MCOLN3: variants seen among roughly 807,000 people sequenced by gnomAD.
MCOLN3 encodes the protein mucolipin-3.
Under a neutral mutation model 69.4 loss-of-function variants are expected in MCOLN3, and 62 were observed. That is an observed-to-expected ratio of 0.89 (90% CI 0.73 to 1.10). The LOEUF (loss-of-function observed/expected upper bound fraction) is 1.10, where lower values mean the gene tolerates loss of function less well. Ranked by LOEUF, MCOLN3 falls within the 50% of genes least tolerant of loss-of-function variation. MCOLN3 has a pLI of 0.00. For missense variants in MCOLN3, 564 were observed against 656.4 expected, an observed-to-expected ratio of 0.86 and a Z score of 1.54; for synonymous variants, 183 against 217.0, an observed-to-expected ratio of 0.84 and a Z score of 1.38.
At chr1:85,043,760 T>C (rs1005048682) in intron 2 of MCOLN3, among the ~76,000 whole-genome samples, 1 of 152,160 alleles carries the variant, frequency 6.6e-6, no homozygotes, top group African/African-American at 2.4e-5. Context: ...GGCTGAGAAC[T>C]GAACATCCAT....
rs199625574 is a variant in MCOLN3 at position 85,045,374 on chromosome 1, AAAC to A, written c.-2-15_-2-13del. The A allele has an allele frequency of 0.048, 74,967 of 1,575,728 alleles. 2,137 individuals are homozygous for A. The highest frequency in any genetic ancestry group is 0.054 in the Non-Finnish European group (62,782 of 1,152,620). On this transcript the variant is annotated splice_polypyrimidine_tract_variant and intron_variant, in intron 1 of 12. Transcript: ENST00000370589. ...AGGATCTGCCATCTCTAGAGGAAAA[AAAC>A]AACAACAACAACAACCAACATTTCC...
intron 7 of MCOLN3, among the ~76,000 whole-genome samples, chr1:85,028,336 C>T (rs761993930): frequency 6.6e-6 from 1 of 152,150 alleles, no homozygotes; most frequent in Admixed American, 6.5e-5. Flanking sequence ...ACTATTTACA[C>T]ATTTCTAGGC....
rs1381989563 is a variant in MCOLN3 at position 85,025,974 on chromosome 1, T to A, written c.1060A>T (p.Ile354Phe). 1 of 1,599,342 alleles carries A rather than the reference T, an allele frequency of 6.3e-7. No homozygotes were observed. Among genetic ancestry groups the A allele is most frequent in the Non-Finnish European group, 8.5e-7 (1 of 1,172,736 alleles). The change falls in exon 9 of 13, where the codon ATT (isoleucine) becomes TTT (phenylalanine). Residue 354 changes from isoleucine (I) to phenylalanine (F), a missense_variant. Ile to Phe is a conservative substitution (Grantham distance 21). Coordinates refer to ENST00000370589, the MANE Select transcript of MCOLN3 (RefSeq NM_018298.11). ...ATTTCCATTTTTAGAATTGATCCAA[T>A]GATTGTCAATATGTCACTAATAATA... ...MIIISDILTI[I>F]GSILKMEIQA...
chr1:85,046,281 A>C (rs1455204301), intron 1 of MCOLN3, among the ~76,000 whole-genome samples: 1 of 134,506 alleles, frequency 7.4e-6, no homozygotes, highest in Non-Finnish European at 1.6e-5. Flanking sequence ...TTTATAGCAT[A>C]TTTTCAAAGT....
In MCOLN3 at chr1:85,048,058, G is replaced by A. The variant is rs577792656; in HGVS notation, c.-3+338C>T. Among the ~76,000 whole-genome samples, 304 of 152,344 alleles carry A rather than the reference G, an allele frequency of 2.0e-3. 2 individuals carry two copies. Among genetic ancestry groups the A allele is most frequent in the Admixed American group, 0.011 (174 of 15,310 alleles). On this transcript the variant is annotated intron_variant, in intron 1 of 12. Transcript: ENST00000370589. Reference sequence around the variant, plus strand: ...CCAAGCCTTCCAGCCCAGGGGCTCCGGGCGGGGGTGGCTTCCAGCCCTCTG... The same window carrying A: ...CCAAGCCTTCCAGCCCAGGGGCTCCAGGCGGGGGTGGCTTCCAGCCCTCTG...
chr1:85,035,314 C>A (rs781434338), intron 3 of MCOLN3, among the ~76,000 whole-genome samples: 1 of 152,162 alleles, frequency 6.6e-6, no homozygotes, highest in Non-Finnish European at 1.5e-5. Flanking sequence ...CTGACTTCAA[C>A]CAGTCCCATA....
chr1:85,019,784 G>A (rs1651833531), intron 12 of MCOLN3, among the ~76,000 whole-genome samples: 1 of 152,188 alleles, frequency 6.6e-6, no homozygotes, highest in Admixed American at 6.5e-5. Flanking sequence ...CTGGACAAAG[G>A]TCTGAATGCT....
At chr1:85,042,568 G>A (rs1653124337) in intron 2 of MCOLN3, among the ~76,000 whole-genome samples, 1 of 152,170 alleles carries the variant, frequency 6.6e-6, no homozygotes, top group African/African-American at 2.4e-5. Context: ...AAATACATGA[G>A]TACCTCTCCT....
At chr1:85,038,811 C>T (rs1036877838) in intron 3 of MCOLN3, among the ~76,000 whole-genome samples, 4 of 151,806 alleles carry the variant, frequency 2.6e-5, no homozygotes, top group African/African-American at 7.3e-5. Flanking sequence ...GCTAATATGG[C>T]GAAACCCTGC....
intron 2 of MCOLN3, among the ~76,000 whole-genome samples, chr1:85,042,937 G>T (rs1048042953): frequency 6.6e-6 from 1 of 152,140 alleles, no homozygotes; most frequent in Admixed American, 6.5e-5. Flanking sequence ...GAAACCCTCA[G>T]TTCCTTTTAA....
rs548456047 is a variant in MCOLN3, at chr1:85,045,080, T to C, written c.228+53A>G. 5.6e-6 allele frequency: 8 copies of C among 1,423,220 alleles called. No individual in the cohort carries two copies. In the African/African-American group the frequency reaches 1.2e-4, roughly 20 times the overall value. 88.2% of individuals were successfully genotyped at this position (1,423,220 alleles called of 1,614,324 possible). ...TAAAAAAAAAACCACTGTCCATAGT[T>C]ATCTTTGTAATTAAAAGAGGCTTTC... is the stretch of plus-strand genomic sequence containing the variant. On this transcript the variant is annotated intron_variant, in intron 2 of 12. Transcript: ENST00000370589.
chr1:85,046,472 T>G (rs1426357215), intron 1 of MCOLN3, among the ~76,000 whole-genome samples: 6 of 152,150 alleles, frequency 3.9e-5, no homozygotes, highest in Admixed American at 1.3e-4. Flanking sequence ...CTGTTCAAAG[T>G]AAAATACCCC....
Position 85,032,685 on chromosome 1 carries a change from C to G in MCOLN3, c.732+11G>C. ...CAGACTGGAACCAAATTCAGCCTGG[C>G]CCACACTTACAGTCAGAGTAAAGTC... On this transcript the variant is annotated intron_variant, in intron 6 of 12. Transcript: ENST00000370589. 6.3e-7 allele frequency: 1 copy of G among 1,596,418 alleles called. No homozygotes were observed. The highest frequency in any genetic ancestry group is 8.6e-7 in the Non-Finnish European group (1 of 1,164,476).
intron 3 of MCOLN3, among the ~76,000 whole-genome samples, chr1:85,034,465 A>C (rs553663791): frequency 1.8e-4 from 27 of 152,330 alleles, no homozygotes; most frequent in Admixed American, 4.6e-4. Flanking sequence ...TTTCTGTGAC[A>C]AACTTTCTGA....
intron 12 of MCOLN3, among the ~76,000 whole-genome samples, chr1:85,020,703 T>G (rs1424365017): frequency 1.3e-5 from 2 of 152,244 alleles, no homozygotes; most frequent in East Asian, 1.9e-4. Flanking sequence ...ATTGGAGTTT[T>G]TATGTTCCCC....
In MCOLN3 at chr1:85,018,459, T is replaced by C. The variant is rs1483629708; in HGVS notation, c.*664A>G. 1 of 152,290 alleles carries C rather than the reference T, an allele frequency of 6.6e-6. No homozygotes were observed. Among genetic ancestry groups the C allele is most frequent in the Non-Finnish European group, 1.5e-5 (1 of 68,108 alleles). The allele number at this position is 152,290 out of a possible 1,614,324, so 9.4% of individuals were successfully genotyped here. On this transcript the variant is annotated 3_prime_UTR_variant, in exon 13 of 13. Coordinates refer to ENST00000370589, the MANE Select transcript of MCOLN3 (RefSeq NM_018298.11). ...GGCTATACCAAATAGCCTAGGTGTG[T>C]AGTAGGCTATACCATCTAGGTTTGT...
chr1:85,048,287 C>T, intron 1 of MCOLN3, 109 bp downstream of exon 1: 1 of 152,280 alleles, frequency 6.6e-6, no homozygotes, highest in Non-Finnish European at 1.5e-5. Flanking sequence ...GGCCTTCCCG[C>T]GGCGTCCCCG....
chr1:85,021,397 A>G, intron 11 of MCOLN3, 121 bp from the exon 12 acceptor site: 1 of 760,660 alleles, frequency 1.3e-6, no homozygotes, highest in Non-Finnish European at 2.1e-6. Context: ...TTTTCAAACA[A>G]ATAACCTGAG....
intron 3 of MCOLN3, among the ~76,000 whole-genome samples, chr1:85,037,696 T>G (rs144612184): frequency 0.011 from 1,695 of 152,330 alleles, 12 homozygotes; most frequent in Non-Finnish European, 0.018. Flanking sequence ...AGCAGGGCTG[T>G]GTCCAGCTAG....
Sources: allele counts gnomAD v4.1 joint callset (sites outside exome capture counted in the v4.1 genomes callset), GRCh38; gene constraint gnomAD v4.1.1; transcripts MANE v1.5; gene names NCBI Gene and HGNC (gene_info 2026-07-23, HGNC 2026-07-21).